The following GCSAM variants were observed in gnomAD, a reference collection of about 807,000 sequenced individuals.
GCSAM encodes the protein germinal center-associated signaling and motility protein.
A neutral mutation model predicts 17.6 loss-of-function variants in GCSAM; 8 were observed. The observed-to-expected ratio is 0.46, with a 90% CI of 0.27 to 0.82. The LOEUF (loss-of-function observed/expected upper bound fraction) is 0.82, where lower values mean the gene tolerates loss of function less well. GCSAM is among the 40% of genes least tolerant of loss of function. The pLI is 0.15. For synonymous variants in GCSAM, 68 were observed against 69.0 expected, an observed-to-expected ratio of 0.98 and a Z score of 0.07; for missense variants, 192 against 213.5, an observed-to-expected ratio of 0.90 and a Z score of 0.63.
chr3:112,127,416 AAAAC>A (rs57359752), intron 3 of GCSAM, among the ~76,000 whole-genome samples: 44,690 of 151,782 alleles, frequency 0.29, 6,970 homozygotes, highest in East Asian at 0.41. Flanking sequence ...TATGATCTCC[AAAAC>A]AAACAAACAA....
At chr3:112,130,704 C>G (rs2074432960) in intron 1 of GCSAM, 191 bp from the exon 2 acceptor site, 2 of 603,578 alleles carry the variant, frequency 3.3e-6, no homozygotes, top group Non-Finnish European at 6.0e-6. Context: ...GACATGCTCT[C>G]CATTGCCACA....
chr3:112,122,622 G>A lies in GCSAM; in HGVS notation c.*833C>T, dbSNP rs927132785. On this transcript the variant is annotated 3_prime_UTR_variant, in exon 6 of 6. Transcript: ENST00000308910. ...GTATACATTTAATATATTGCAGAGG[G>A]CTTTCTATTTAGCATACTGGGGGAG... 3 of 151,994 alleles carry A rather than the reference G, an allele frequency of 2.0e-5. No homozygotes were observed. The highest frequency in any genetic ancestry group is 7.3e-5 in the African/African-American group (3 of 41,376). The allele number at this position is 151,994 out of a possible 1,614,324, so 9.4% of individuals were successfully genotyped here.
chr3:112,125,122 A>G, intron 5 of GCSAM, 104 bp downstream of exon 5: 1 of 782,716 alleles, frequency 1.3e-6, no homozygotes, highest in Non-Finnish European at 2.3e-6. Context: ...GTCTTTCTCC[A>G]TGTAAGGGTC....
At chr3:112,126,929 G>A (rs1482025790) in intron 4 of GCSAM, 58 bp downstream of exon 4, 1 of 1,120,214 alleles carries the variant, frequency 8.9e-7, no homozygotes, top group African/African-American at 1.5e-5. Context: ...TAGAGAAGAA[G>A]TAGTTTGGAA....
rs973333803 is a variant in GCSAM at position 112,120,958 on chromosome 3, C to T, written c.*2497G>A. ...TGTTCTTAATATTATTTTTGACTGA[C>T]AAATCATAATTGTGTATATCATATT... On this transcript the variant is annotated 3_prime_UTR_variant, in exon 6 of 6. Transcript: ENST00000308910. 2 of 152,084 alleles carry T rather than the reference C, an allele frequency of 1.3e-5. No homozygotes were observed. The highest frequency in any genetic ancestry group is 2.9e-5 in the Non-Finnish European group (2 of 68,010). 9.4% of individuals were successfully genotyped at this position (152,084 alleles called of 1,614,324 possible).
intron 2 of GCSAM, 125 bp from the exon 3 acceptor site, chr3:112,128,186 G>T: frequency 2.5e-6 from 2 of 787,192 alleles, no homozygotes; most frequent in Non-Finnish European, 2.2e-6. Context: ...TTTCATTCTA[G>T]ATAACTTGGA....
chr3:112,128,202 C>T (rs1268802508), intron 2 of GCSAM, 141 bp from the exon 3 acceptor site: 1 of 735,524 alleles, frequency 1.4e-6, no homozygotes, highest in Non-Finnish European at 2.5e-6. Flanking sequence ...TTGGACACAT[C>T]TCTCATGGTA....
chr3:112,129,474 C>T (rs1164451046), intron 2 of GCSAM: 1 of 152,118 alleles, frequency 6.6e-6, no homozygotes, highest in Non-Finnish European at 1.5e-5. Context: ...GTTCAGATAG[C>T]CTCCAAGAAG....
chr3:112,126,284 TCTC>T (rs150193128), intron 4 of GCSAM, among the ~76,000 whole-genome samples: 1 of 152,292 alleles, frequency 6.6e-6, no homozygotes, highest in African/African-American at 2.4e-5. Flanking sequence ...TGAATTAGGT[TCTC>T]CTCTTTAAGG....
chr3:112,126,738 C>A (rs2074329100), intron 4 of GCSAM, among the ~76,000 whole-genome samples: 1 of 152,172 alleles, frequency 6.6e-6, no homozygotes, highest in African/African-American at 2.4e-5. Context: ...TATCCTTGCC[C>A]CCAGTTACTG....
chr3:112,124,644 A>G (rs2074270024), intron 5 of GCSAM, among the ~76,000 whole-genome samples: 1 of 152,192 alleles, frequency 6.6e-6, no homozygotes, highest in Admixed American at 6.5e-5. Context: ...TAATCTTATG[A>G]TATCTTAATG....
Position 112,124,048 on chromosome 3 carries a change from C to T in GCSAM, c.220-276G>A, listed in dbSNP as rs115603722. Among the ~76,000 whole-genome samples, 993 of 152,308 alleles carry T rather than the reference C, an allele frequency of 6.5e-3. 14 individuals carry two copies. Among genetic ancestry groups the T allele is most frequent in the African/African-American group, 0.023 (946 of 41,550 alleles). On this transcript the variant is annotated intron_variant, in intron 5 of 5. Transcript: ENST00000308910. ...ATATAGTTTGGATATTCGTCCCCTGCAAATCTAATGTTGAAATTTTGTTCC... is the reference window on the plus strand; with the variant it reads ...ATATAGTTTGGATATTCGTCCCCTGTAAATCTAATGTTGAAATTTTGTTCC...
At chr3:112,127,095 A>C in intron 3 of GCSAM, 62 bp from the exon 4 acceptor site, 6 of 1,080,424 alleles carry the variant, frequency 5.6e-6, no homozygotes, top group Non-Finnish European at 7.0e-6. Context: ...GAAATGACAC[A>C]AGCCTACAAA....
intron 5 of GCSAM, among the ~76,000 whole-genome samples, chr3:112,124,110 G>T (rs2074257110): frequency 6.6e-6 from 1 of 152,204 alleles, no homozygotes; most frequent in African/African-American, 2.4e-5. Context: ...AGGTGTTTTG[G>T]TTATGGGAGC....
intron 1 of GCSAM, among the ~76,000 whole-genome samples, chr3:112,131,791 G>A (rs899151527): frequency 2.0e-5 from 3 of 152,160 alleles, no homozygotes; most frequent in African/African-American, 7.2e-5. Context: ...CTTAGGAAGA[G>A]CAAAGAATTT....
rs1210218096 is a variant in GCSAM at position 112,121,597 on chromosome 3, A to G, written c.*1858T>C. The G allele has an allele frequency of 6.6e-6, 1 of 152,252 alleles. No individual in the cohort carries two copies. The highest frequency in any genetic ancestry group is 2.4e-5 in the African/African-American group (1 of 41,462). 9.4% of individuals were successfully genotyped at this position (152,252 alleles called of 1,614,324 possible). A position where few individuals can be genotyped will look rare whatever the true frequency, so the allele number is the denominator to read the frequency against. On this transcript the variant is annotated 3_prime_UTR_variant, in exon 6 of 6. Transcript: ENST00000308910. ...CTCTAAGCCATGTTACATCTTGTAC[A>G]ATATCCACTGCTAACTGAATATTTC...
In GCSAM at chr3:112,130,354, C is replaced by G. The variant is rs1409982009; in HGVS notation, c.98+91G>C. The G allele has an allele frequency of 4.1e-6, 4 of 967,272 alleles. No individual in the cohort carries two copies. The East Asian group carries it at 7.2e-5, about 17-fold the overall frequency. 59.9% of individuals were successfully genotyped at this position (967,272 alleles called of 1,614,324 possible). A position where few individuals can be genotyped will look rare whatever the true frequency, so the allele number is the denominator to read the frequency against. On this transcript the variant is annotated intron_variant, in intron 2 of 5. Coordinates refer to ENST00000308910, the MANE Select transcript of GCSAM (RefSeq NM_152785.5). ...CAACTGCTACTGGTCTAAACAGGGC[C>G]CTCTCTCACTGGGATGTGAAGTCCA... is the stretch of plus-strand genomic sequence containing the variant.
chr3:112,130,201 C>T (rs1274158337), intron 2 of GCSAM: 4 of 526,112 alleles, frequency 7.6e-6, no homozygotes, highest in African/African-American at 7.6e-5. Flanking sequence ...CAGGGCATAA[C>T]AGGGACTAGC....
In GCSAM at chr3:112,131,726, T is replaced by C. The variant is rs116128608; in HGVS notation, c.30-1213A>G. On this transcript the variant is annotated intron_variant, in intron 1 of 5. Coordinates refer to ENST00000308910, the MANE Select transcript of GCSAM (RefSeq NM_152785.5). ...CATCTGACACCATATATTGAATATA[T>C]GTTGCCAAATGTAAAATAACAAAAT... is the stretch of plus-strand genomic sequence containing the variant. 7.4e-3 allele frequency among the ~76,000 whole-genome samples: 1,125 copies of C among 152,316 alleles called. 14 individuals carry two copies. The highest frequency in any genetic ancestry group is 0.025 in the African/African-American group (1,037 of 41,564).
Sources: gnomAD v4.1 joint callset for allele counts (sites outside exome capture counted in the v4.1 genomes callset) on GRCh38, gnomAD v4.1.1 for gene constraint, MANE v1.5 for transcripts, NCBI Gene and HGNC (gene_info 2026-07-23, HGNC 2026-07-21) for gene names.